UBTD2: variants seen among roughly 807,000 people sequenced by gnomAD.
UBTD2 encodes ubiquitin domain-containing protein 2.
Under a neutral mutation model 19.8 loss-of-function variants are expected in UBTD2, and 9 were observed. The observed-to-expected ratio is 0.46, with a 90% CI of 0.27 to 0.79. UBTD2 has a LOEUF of 0.79. UBTD2 is among the 30% of genes least tolerant of loss of function. The pLI, the probability that UBTD2 is intolerant of heterozygous loss-of-function variation, is 0.14. For synonymous variants in UBTD2, 98 were observed against 103.9 expected (o/e 0.94, Z 0.35); for missense variants, 250 against 300.4 (o/e 0.83, Z 1.24).
chr5:172,235,344 T>C (rs1439442681), intron 1 of UBTD2, among the ~76,000 whole-genome samples: 1 of 152,150 alleles, frequency 6.6e-6, no homozygotes, highest in Non-Finnish European at 1.5e-5. Flanking sequence ...ACCAGAATCA[T>C]GAACAAACTG....
At chr5:172,244,315 A>ATTTT (rs1772196872) in intron 1 of UBTD2, among the ~76,000 whole-genome samples, 1 of 51,142 alleles carries the variant, frequency 2.0e-5, no homozygotes. Flanking sequence ...TTTTTTTTTG[A>ATTTT]GACAGAGTTT....
chr5:172,230,185 T>TA (rs1771861401), intron 2 of UBTD2, among the ~76,000 whole-genome samples: 1 of 152,188 alleles, frequency 6.6e-6, no homozygotes, highest in Non-Finnish European at 1.5e-5. Context: ...AACAGGTAGT[T>TA]ATGACAAGTT....
At position 172,251,314 on chromosome 5, in the gene UBTD2, C is replaced by CAAAAAAAAAAAAAGAAAAAAAAA. The variant is rs57577423; in HGVS notation, c.71-16957_71-16956insTTTTTTTTTCTTTTTTTTTTTTT. ...AGCCTGGGTGACAGTGAGCCTATCT[C>CAAAAAAAAAAAAAGAAAAAAAAA]AAAAAAAAAAAAGAAAATAGCCACT... On this transcript the variant is annotated intron_variant, in intron 1 of 2. Transcript: ENST00000393792. 4.1e-4 allele frequency among the ~76,000 whole-genome samples: 48 copies of CAAAAAAAAAAAAAGAAAAAAAAA among 118,190 alleles called. 1 individual carries two copies. Among genetic ancestry groups the CAAAAAAAAAAAAAGAAAAAAAAA allele is most frequent in the African/African-American group, 1.6e-3 (47 of 29,368 alleles). The allele number at this position is 118,190 out of a possible 152,430, so 77.5% of individuals were successfully genotyped here.
At chr5:172,230,840 G>T (rs1771880074) in intron 2 of UBTD2, among the ~76,000 whole-genome samples, 1 of 148,884 alleles carries the variant, frequency 6.7e-6, no homozygotes, top group Non-Finnish European at 1.5e-5. Flanking sequence ...CTAGAGTGCA[G>T]TGACGCGATC....
chr5:172,233,324 T>C (rs1771942882), intron 2 of UBTD2, among the ~76,000 whole-genome samples: 1 of 152,044 alleles, frequency 6.6e-6, no homozygotes, highest in Middle Eastern at 3.2e-3. Flanking sequence ...AAAGACAACC[T>C]TGAAAAATAT....
At chr5:172,274,690 A>T (rs775947456) in intron 1 of UBTD2, among the ~76,000 whole-genome samples, 3 of 152,168 alleles carry the variant, frequency 2.0e-5, no homozygotes, top group Non-Finnish European at 4.4e-5. Context: ...TGAGTAACAA[A>T]CTACAGCTAG....
intron 2 of UBTD2, among the ~76,000 whole-genome samples, chr5:172,213,487 T>A (rs936851530): frequency 6.6e-6 from 1 of 151,998 alleles, no homozygotes; most frequent in Non-Finnish European, 1.5e-5. Context: ...AAGCTATGGA[T>A]TAAAAAGGAA....
intron 1 of UBTD2, among the ~76,000 whole-genome samples, chr5:172,240,198 C>A (rs948763337): frequency 6.6e-6 from 1 of 152,166 alleles, no homozygotes; most frequent in Non-Finnish European, 1.5e-5. Context: ...GAGATACCAA[C>A]CATGATCACT....
At chr5:172,233,743 G>A (rs924868970) in intron 2 of UBTD2, among the ~76,000 whole-genome samples, 2 of 148,640 alleles carry the variant, frequency 1.3e-5, no homozygotes, top group East Asian at 2.0e-4. Flanking sequence ...TATCTCTAGC[G>A]CTGCTAGGAG....
At position 172,211,774 on chromosome 5, in the gene UBTD2, A is replaced by T; in HGVS notation, c.*56T>A. ...TTCACGCCGCAGAGTAGGAAATGAC[A>T]ACAAGAACCATAAAAAGGAGCAGAG... On this transcript the variant is annotated 3_prime_UTR_variant, in exon 3 of 3. Transcript: ENST00000393792. The T allele has an allele frequency of 6.6e-7, 1 of 1,513,366 alleles. No individual in the cohort carries two copies. The highest frequency in any genetic ancestry group is 8.8e-7 in the Non-Finnish European group (1 of 1,130,012). The allele number at this position is 1,513,366 out of a possible 1,614,324, so 93.7% of individuals were successfully genotyped here. A position where few individuals can be genotyped will look rare whatever the true frequency, so the allele number is the denominator to read the frequency against.
intron 1 of UBTD2, among the ~76,000 whole-genome samples, chr5:172,252,997 G>A (rs1229660224): frequency 1.3e-5 from 2 of 152,104 alleles, no homozygotes; most frequent in Non-Finnish European, 2.9e-5. Context: ...TAGATTCATG[G>A]GTAAAGACAG....
chr5:172,213,595 ATATAT>A (rs1394581291), intron 2 of UBTD2, among the ~76,000 whole-genome samples: 1 of 152,170 alleles, frequency 6.6e-6, no homozygotes, highest in African/African-American at 2.4e-5. Context: ...CTTACAAATC[ATATAT>A]TATAATTTCA....
chr5:172,215,321 G>C (rs1771520535), intron 2 of UBTD2, among the ~76,000 whole-genome samples: 1 of 152,132 alleles, frequency 6.6e-6, no homozygotes, highest in African/African-American at 2.4e-5. Flanking sequence ...AAACTAACTA[G>C]AGTCTATCCT....
intron 1 of UBTD2, among the ~76,000 whole-genome samples, chr5:172,239,572 C>T (rs1772082106): frequency 6.6e-6 from 1 of 152,014 alleles, no homozygotes; most frequent in Non-Finnish European, 1.5e-5. Context: ...AGGCGCCTGC[C>T]ACCACGCCTA....
intron 1 of UBTD2, among the ~76,000 whole-genome samples, chr5:172,236,520 G>A (rs546055978): frequency 6.6e-6 from 1 of 152,294 alleles, no homozygotes; most frequent in South Asian, 2.1e-4. Flanking sequence ...AATCTGGTCT[G>A]ATAACCACAA....
intron 1 of UBTD2, among the ~76,000 whole-genome samples, chr5:172,241,029 G>A (rs1223256355): frequency 1.3e-5 from 2 of 151,516 alleles, no homozygotes; most frequent in African/African-American, 4.8e-5. Context: ...CTGGTTGGGG[G>A]CAATGGCTTT....
intron 2 of UBTD2, among the ~76,000 whole-genome samples, chr5:172,217,346 GA>G (rs1771563647): frequency 6.6e-6 from 1 of 151,028 alleles, no homozygotes; most frequent in East Asian, 1.9e-4. Flanking sequence ...ATGAACCCGG[GA>G]GGCGGAGCTT....
intron 2 of UBTD2, among the ~76,000 whole-genome samples, chr5:172,228,793 G>C (rs1350291832): frequency 6.6e-6 from 1 of 151,840 alleles, no homozygotes; most frequent in Admixed American, 6.6e-5. Context: ...CTGATTCTCA[G>C]TCCAGTGTTC....
rs1771965544 is a variant in UBTD2 at position 172,234,305 on chromosome 5, C to T, written c.124G>A (p.Asp42Asn). The stretch of plus-strand genomic sequence containing the variant: ...AGTTGTCCATCTGTCATAGGATAAT[C>T]GCTTTTCCATTTTGGTTTCTCCTTT... ...LKKEKPKWKS[D>N]YPMTDGQLRS... Residue 42 changes from aspartate (D) to asparagine (N), a missense_variant, in exon 2 of 3, where the codon GAT becomes AAT. Transcript: ENST00000393792. 2.5e-6 allele frequency: 4 copies of T among 1,614,172 alleles called. No homozygotes were observed. Among genetic ancestry groups the T allele is most frequent in the Non-Finnish European group, 1.7e-6 (2 of 1,180,036 alleles).
Sources: allele counts gnomAD v4.1 joint callset (sites outside exome capture counted in the v4.1 genomes callset), GRCh38; gene constraint gnomAD v4.1.1; transcripts MANE v1.5; gene names NCBI Gene and HGNC (gene_info 2026-07-23, HGNC 2026-07-21).